The following SUGCT variants were observed in gnomAD, a reference collection of about 807,000 sequenced individuals.
SUGCT encodes succinyl-CoA:glutarate-CoA transferase, also known as succinyl-CoA:glutarate CoA-transferase.
In SUGCT, 41 loss-of-function variants were observed where a neutral mutation model predicts 55.0. The observed-to-expected ratio is 0.74, with a 90% CI of 0.58 to 0.97. The LOEUF is 0.97. SUGCT is among the 50% of genes least tolerant of loss of function. SUGCT has a pLI of 0.00. For synonymous variants in SUGCT, 187 were observed against 200.4 expected, an observed-to-expected ratio of 0.93 and a Z score of 0.56; for missense variants, 568 against 547.8, an observed-to-expected ratio of 1.04 and a Z score of -0.37.
At chr7:40,898,697 T>TAA in the SUGCT span, among the ~76,000 whole-genome samples, 48 of 144,518 alleles carry the variant, frequency 3.3e-4, no homozygotes, top group African/African-American at 1.2e-3. Flanking sequence ...AGACTCCGTC[T>TAA]AAAAAAAAAA....
At chr7:40,887,998 CT>C in the SUGCT span, among the ~76,000 whole-genome samples, 92,284 of 151,886 alleles carry the variant, frequency 0.61, 28,308 homozygotes, top group South Asian at 0.75. Context: ...CATGCAGCAT[CT>C]TTATTTTATC....
At chr7:40,986,349 C>T in the SUGCT span, among the ~76,000 whole-genome samples, 2 of 152,106 alleles carry the variant, frequency 1.3e-5, no homozygotes, top group African/African-American at 4.8e-5. Flanking sequence ...TGTTCTATTT[C>T]TTGTACAAGC....
the SUGCT span, among the ~76,000 whole-genome samples, chr7:40,957,569 C>A: frequency 6.6e-6 from 1 of 150,520 alleles, no homozygotes; most frequent in Non-Finnish European, 1.5e-5. Context: ...CTGAATACAG[C>A]ACACTGATGG....
At chr7:40,370,469 A>G (rs1784239353) in intron 9 of SUGCT, among the ~76,000 whole-genome samples, 4 of 152,066 alleles carry the variant, frequency 2.6e-5, no homozygotes, top group Admixed American at 2.6e-4. Flanking sequence ...GTTGCTTTGT[A>G]TGTAATTGAG....
chr7:40,856,795 T>C (rs1193237587), intron 13 of SUGCT, among the ~76,000 whole-genome samples: 2 of 152,230 alleles, frequency 1.3e-5, no homozygotes. Flanking sequence ...AAAGTCTTGA[T>C]ATTTAGTTGA....
At chr7:40,778,444 T>C (rs1789571156) in intron 13 of SUGCT, among the ~76,000 whole-genome samples, 1 of 152,242 alleles carries the variant, frequency 6.6e-6, no homozygotes, top group African/African-American at 2.4e-5. Flanking sequence ...AAATTTACAT[T>C]TGTCTACCCA....
chr7:40,692,606 G>T (rs1442177986), intron 12 of SUGCT, among the ~76,000 whole-genome samples: 1 of 152,184 alleles, frequency 6.6e-6, no homozygotes, highest in Non-Finnish European at 1.5e-5. Context: ...TACTACTGCA[G>T]CACACACTTT....
Position 40,248,013 on chromosome 7 carries a change from GTTTTTTTTT to G in SUGCT, c.576+10294_576+10302del, listed in dbSNP as rs70996895. Among the ~76,000 whole-genome samples the G allele has an allele frequency of 5.7e-5, 7 of 123,070 alleles. No homozygotes were observed. In the East Asian group the frequency reaches 1.4e-3, roughly 25 times the overall value. 80.7% of individuals were successfully genotyped at this position (123,070 alleles called of 152,430 possible). ...GTGATTCTTGTGTTTTTGTTTTTTT[GTTTTTTTTT>G]TTTTTTGAGATGGAGTTTCACTCTT... is the stretch of plus-strand genomic sequence containing the variant. On this transcript the variant is annotated intron_variant, in intron 7 of 13. Coordinates refer to ENST00000335693, the MANE Select transcript of SUGCT (RefSeq NM_001193313.2).
intron 9 of SUGCT, among the ~76,000 whole-genome samples, chr7:40,363,302 C>G (rs1465341614): frequency 6.6e-6 from 1 of 151,792 alleles, no homozygotes; most frequent in East Asian, 1.9e-4. Flanking sequence ...TTTTTTGTGT[C>G]TCTATTTCCT....
intron 8 of SUGCT, among the ~76,000 whole-genome samples, chr7:40,305,757 G>A (rs768811295): frequency 6.6e-6 from 1 of 152,006 alleles, no homozygotes; most frequent in Non-Finnish European, 1.5e-5. Context: ...AATATTCTAG[G>A]CTCAAACAAT....
the SUGCT span, among the ~76,000 whole-genome samples, chr7:40,991,055 T>G: frequency 1.3e-5 from 2 of 152,224 alleles, no homozygotes; most frequent in African/African-American, 4.8e-5. Context: ...AGGCCTAGCT[T>G]TTGGCCTATT....
At chr7:40,940,320 C>G in the SUGCT span, among the ~76,000 whole-genome samples, 1 of 152,076 alleles carries the variant, frequency 6.6e-6, no homozygotes, top group South Asian at 2.1e-4. Flanking sequence ...GTGACACCTC[C>G]AGATTTGTTC....
intron 7 of SUGCT, among the ~76,000 whole-genome samples, chr7:40,265,941 ACT>A (rs1485030098): frequency 1.4e-5 from 2 of 147,354 alleles, no homozygotes; most frequent in African/African-American, 5.1e-5. Flanking sequence ...ACAGAGCAAA[ACT>A]CTGTCTCAAA....
At chr7:40,293,134 G>T (rs1235070589) in intron 8 of SUGCT, among the ~76,000 whole-genome samples, 1 of 152,102 alleles carries the variant, frequency 6.6e-6, no homozygotes. Flanking sequence ...TTGGTAATGA[G>T]AATTTTTCTG....
chr7:40,228,388 A>T (rs561846553), intron 6 of SUGCT, among the ~76,000 whole-genome samples: 1 of 152,196 alleles, frequency 6.6e-6, no homozygotes, highest in East Asian at 1.9e-4. Context: ...AAATTTGTTT[A>T]AAAAACCAGT....
chr7:41,004,554 G>A, the SUGCT span, among the ~76,000 whole-genome samples: 108 of 152,260 alleles, frequency 7.1e-4, 1 homozygote, highest in African/African-American at 2.4e-3. Context: ...TCTGCAATGG[G>A]ACATCATGGG....
chr7:40,434,215 A>C (rs1788053342), intron 9 of SUGCT, among the ~76,000 whole-genome samples: 2 of 152,192 alleles, frequency 1.3e-5, no homozygotes, highest in East Asian at 3.8e-4. Context: ...TAATCATGGT[A>C]GATGTGCCCA....
At chr7:40,444,784 G>A (rs1398162611) in intron 9 of SUGCT, among the ~76,000 whole-genome samples, 2 of 152,108 alleles carry the variant, frequency 1.3e-5, no homozygotes, top group African/African-American at 2.4e-5. Flanking sequence ...GTGAGAGAGG[G>A]CATCCTTGTC....
chr7:40,276,292 C>T (rs941783868), intron 8 of SUGCT, among the ~76,000 whole-genome samples: 2 of 152,112 alleles, frequency 1.3e-5, no homozygotes, highest in South Asian at 2.1e-4. Context: ...TTTTCTTCCT[C>T]TAATTTTAAG....
Sources: gnomAD v4.1 joint callset for allele counts (sites outside exome capture counted in the v4.1 genomes callset) on GRCh38, gnomAD v4.1.1 for gene constraint, MANE v1.5 for transcripts, NCBI Gene and HGNC (gene_info 2026-07-23, HGNC 2026-07-21) for gene names.